SIRPB1: variants seen among roughly 807,000 people sequenced by gnomAD.
The protein encoded by SIRPB1 is signal-regulatory protein beta-1.
A neutral mutation model predicts 34.1 loss-of-function variants in SIRPB1; 28 were observed. The ratio of observed to expected loss-of-function variants is 0.82; its 90% CI spans 0.61 to 1.12. SIRPB1 has a LOEUF of 1.12. Ranked by LOEUF, SIRPB1 falls within the 50% of genes most tolerant of loss-of-function variation. SIRPB1 has a pLI of 0.00. For missense variants in SIRPB1, 499 were observed against 507.0 expected (o/e 0.98, Z 0.15); for synonymous variants, 211 against 203.8 (o/e 1.04, Z -0.30).
At position 1,563,843 on chromosome 20, in the gene SIRPB1, G is replaced by C. The variant is rs2091098094; in HGVS notation, c.*1657C>G. On this transcript the variant is annotated 3_prime_UTR_variant, in exon 6 of 6. Transcript: ENST00000381605. ...AACTCACTATCACAAGAACAGCAAG[G>C]GGGAAGTCCGCCCCCATGATTCAGT... The C allele has an allele frequency of 6.6e-6, 1 of 152,422 alleles. No individual in the cohort carries two copies. The highest frequency in any genetic ancestry group is 2.4e-5 in the African/African-American group (1 of 41,480). The allele number at this position is 152,422 out of a possible 1,614,324, so 9.4% of individuals were successfully genotyped here.
intron 4 of SIRPB1, among the ~76,000 whole-genome samples, chr20:1,568,279 C>T (rs1378721740): frequency 6.6e-6 from 1 of 152,212 alleles, no homozygotes; most frequent in African/African-American, 2.4e-5. Flanking sequence ...ACTCACCTAA[C>T]CCTAGGGCAC....
chr20:1,567,296 G>A (rs2091153046), intron 4 of SIRPB1, among the ~76,000 whole-genome samples: 1 of 152,076 alleles, frequency 6.6e-6, no homozygotes, highest in African/African-American at 2.4e-5. Flanking sequence ...GAGATAGACT[G>A]CATTGGGAAT....
chr20:1,583,892 A>ACTGCTG lies in SIRPB1; in HGVS notation c.77-5204_77-5199dup, dbSNP rs1555807722. Among the ~76,000 whole-genome samples the ACTGCTG allele has an allele frequency of 1.4e-4, 6 of 43,518 alleles. 2 individuals carry two copies. The highest frequency in any genetic ancestry group is 1.6e-3 in the South Asian group (2 of 1,248). 28.5% of individuals were successfully genotyped at this position (43,518 alleles called of 152,430 possible). A position where few individuals can be genotyped will look rare whatever the true frequency, so the allele number is the denominator to read the frequency against. On this transcript the variant is annotated intron_variant, in intron 1 of 5. Coordinates refer to ENST00000381605, the MANE Select transcript of SIRPB1 (RefSeq NM_006065.5). ...TACTACTACTACTACTACTACTACT[A>ACTGCTG]CTGCTGCTGCTGCTGCTGTGTGTTT...
intron 1 of SIRPB1, among the ~76,000 whole-genome samples, chr20:1,580,246 C>G (rs55650624): frequency 0.023 from 3,408 of 147,596 alleles, 382 homozygotes; most frequent in Middle Eastern, 0.13. Flanking sequence ...ATCTTCCCAC[C>G]ACTCTAACCT....
chr20:1,595,435 G>A lies in SIRPB1; in HGVS notation c.77-16741C>T, dbSNP rs1230757888. On this transcript the variant is annotated intron_variant, in intron 1 of 5. Coordinates refer to ENST00000381605, the MANE Select transcript of SIRPB1 (RefSeq NM_006065.5). ...CTCAGACTCTATGCTCTGCAGGGGA[G>A]GAGAAGCCCCACCTTGCCATGATGT... Among the ~76,000 whole-genome samples the A allele has an allele frequency of 4.1e-5, 2 of 48,962 alleles. 1 individual carries two copies. The highest frequency in any genetic ancestry group is 7.9e-5 in the Non-Finnish European group (2 of 25,284). The allele number at this position is 48,962 out of a possible 152,430, so 32.1% of individuals were successfully genotyped here. A position where few individuals can be genotyped will look rare whatever the true frequency, so the allele number is the denominator to read the frequency against.
intron 1 of SIRPB1, among the ~76,000 whole-genome samples, chr20:1,593,258 T>C (rs1343143462): frequency 2.0e-5 from 1 of 49,352 alleles, no homozygotes; most frequent in Non-Finnish European, 3.9e-5. Context: ...GTTCTACTTA[T>C]TTTATAAGAG....
intron 3 of SIRPB1, 126 bp downstream of exon 3, chr20:1,571,594 G>T: frequency 7.2e-7 from 1 of 1,382,218 alleles, no homozygotes; most frequent in Non-Finnish European, 1.0e-6. Flanking sequence ...GCTCACCTAG[G>T]TGCATGGGAG....
At chr20:1,615,253 T>C (rs1425050238) in intron 1 of SIRPB1, among the ~76,000 whole-genome samples, 1 of 152,216 alleles carries the variant, frequency 6.6e-6, no homozygotes, top group African/African-American at 2.4e-5. Flanking sequence ...TCTAAACCAC[T>C]CATGATGGCC....
At chr20:1,619,611 C>T (rs2091678503) in intron 1 of SIRPB1, among the ~76,000 whole-genome samples, 1 of 152,194 alleles carries the variant, frequency 6.6e-6, no homozygotes, top group Non-Finnish European at 1.5e-5. Context: ...TTCTTCTCTG[C>T]TTTTTCAATT....
chr20:1,584,773 C>T lies in SIRPB1; in HGVS notation c.77-6079G>A, dbSNP rs1249666779. Among the ~76,000 whole-genome samples the T allele has an allele frequency of 1.2e-4, 6 of 48,822 alleles. 3 individuals are homozygous for T. Among genetic ancestry groups the T allele is most frequent in the Non-Finnish European group, 1.6e-4 (4 of 25,284 alleles). 32.0% of individuals were successfully genotyped at this position (48,822 alleles called of 152,430 possible). On this transcript the variant is annotated intron_variant, in intron 1 of 5. Transcript: ENST00000381605. ...AAAACAATCCTTAAGTTCATATTAG[C>T]CATAGAAAACCATGAATAGCTAAGG...
In SIRPB1 at chr20:1,566,107, C is replaced by T. The variant is rs765981480; in HGVS notation, c.*2+46G>A. 50 of 1,313,874 alleles carry T rather than the reference C, an allele frequency of 3.8e-5. No individual in the cohort carries two copies. In the Admixed American group the frequency reaches 4.0e-4, roughly 10 times the overall value. 81.4% of individuals were successfully genotyped at this position (1,313,874 alleles called of 1,614,324 possible). ...GAGCTGGGCCCTCCTGCTGGCCTTG[C>T]CTTTCTGGAGGAGCCCTTGGTCAGT... On this transcript the variant is annotated intron_variant, in intron 5 of 5. Transcript: ENST00000381605.
chr20:1,578,465 G>A lies in SIRPB1; in HGVS notation c.306C>T (p.Asp102=). ...VSELTKRNNL[D]FSISISNITP... ...TGATGTTACTGATGCTGATGGAAAA[G>A]TCCAGGTTGTTTCTCTTTGTGAGTT... The change falls in exon 2 of 6, where the codon GAC becomes GAT. Residue 102 remains aspartate (D), a synonymous_variant. Coordinates refer to ENST00000381605, the MANE Select transcript of SIRPB1 (RefSeq NM_006065.5). 6.3e-7 allele frequency: 1 copy of A among 1,584,244 alleles called. No individual in the cohort carries two copies. Among genetic ancestry groups the A allele is most frequent in the Non-Finnish European group, 8.6e-7 (1 of 1,157,942 alleles).
Position 1,571,946 on chromosome 20 carries a change from A to G in SIRPB1, c.525T>C (p.Ser175=). 1 of 1,614,072 alleles carries G rather than the reference A, an allele frequency of 6.2e-7. No individual in the cohort carries two copies. Among genetic ancestry groups the G allele is most frequent in the Non-Finnish European group, 8.5e-7 (1 of 1,179,982 alleles). The stretch of plus-strand genomic sequence containing the variant: ...ACCATTTCAGGGTGATGTCTCTGGG[A>G]GAGAAGCCATGGGACTCGCAGGTGA... ...VSFTCESHGF[S]PRDITLKWFK... The change falls in exon 3 of 6, where the codon TCT becomes TCC. Residue 175 remains serine (S), a synonymous_variant. Transcript: ENST00000381605.
At chr20:1,566,401 G>C in intron 4 of SIRPB1, 134 bp from the exon 5 acceptor site, 1 of 565,602 alleles carries the variant, frequency 1.8e-6, no homozygotes, top group Non-Finnish European at 3.1e-6. Context: ...TCCTGCTCTG[G>C]CTTTCCTGAC....
Position 1,577,451 on chromosome 20 carries a change from A to G in SIRPB1, c.433+887T>C, listed in dbSNP as rs1217536543. On this transcript the variant is annotated intron_variant, in intron 2 of 5. Coordinates refer to ENST00000381605, the MANE Select transcript of SIRPB1 (RefSeq NM_006065.5). The stretch of plus-strand genomic sequence containing the variant: ...GGTCCTTCCTGTGCTGACATGCCAG[A>G]ATTCAGCAGTTAAGACGAGGCTTTT... Among the ~76,000 whole-genome samples, 5 of 147,764 alleles carry G rather than the reference A, an allele frequency of 3.4e-5. 1 individual carries two copies. The highest frequency in any genetic ancestry group is 1.2e-4 in the African/African-American group (5 of 40,738).
At position 1,602,788 on chromosome 20, in the gene SIRPB1, G is replaced by A. The variant is rs2091481889; in HGVS notation, c.76+17081C>T. On this transcript the variant is annotated intron_variant, in intron 1 of 5. Transcript: ENST00000381605. ...CTTTCCATACATCTCTGATTATAGGGGACATTGTTGTCCTCCACTTCCTGT... is the reference window on the plus strand; with the variant it reads ...CTTTCCATACATCTCTGATTATAGGAGACATTGTTGTCCTCCACTTCCTGT... Among the ~76,000 whole-genome samples, 2 of 48,914 alleles carry A rather than the reference G, an allele frequency of 4.1e-5. 1 individual carries two copies. Among genetic ancestry groups the A allele is most frequent in the Non-Finnish European group, 7.9e-5 (2 of 25,446 alleles). 32.1% of individuals were successfully genotyped at this position (48,914 alleles called of 152,430 possible).
rs1415376365 is a variant in SIRPB1, at chr20:1,563,283, C to T, written c.*2217G>A. Among the ~76,000 whole-genome samples, 4 of 152,122 alleles carry T rather than the reference C, an allele frequency of 2.6e-5. No homozygotes were observed. The highest frequency in any genetic ancestry group is 4.4e-5 in the Non-Finnish European group (3 of 68,026). ...CCAAGACAGGTGGATCACCTGAGGTCGGGAGTTCAAGACTAGTCTGATCAA... is the reference window on the plus strand; with the variant it reads ...CCAAGACAGGTGGATCACCTGAGGTTGGGAGTTCAAGACTAGTCTGATCAA... On this transcript the variant is annotated 3_prime_UTR_variant, in exon 6 of 6. Coordinates refer to ENST00000381605, the MANE Select transcript of SIRPB1 (RefSeq NM_006065.5).
rs1282340865 is a variant in SIRPB1 at position 1,562,887 on chromosome 20, A to G, written c.*2613T>C. Among the ~76,000 whole-genome samples, 1 of 152,200 alleles carries G rather than the reference A, an allele frequency of 6.6e-6. No individual in the cohort carries two copies. Among genetic ancestry groups the G allele is most frequent in the Non-Finnish European group, 1.5e-5 (1 of 68,038 alleles). On this transcript the variant is annotated 3_prime_UTR_variant, in exon 6 of 6. Coordinates refer to ENST00000381605, the MANE Select transcript of SIRPB1 (RefSeq NM_006065.5). ...GTGCAGTGAAGAAATGAGAAGTGAA[A>G]ATGCTGCAAGTGAGGTTCAAATTGA...
chr20:1,580,323 T>TCTC (rs1568693397), intron 1 of SIRPB1, among the ~76,000 whole-genome samples: 1 of 146,944 alleles, frequency 6.8e-6, no homozygotes, highest in Admixed American at 6.7e-5. Flanking sequence ...CAAGAATTAA[T>TCTC]CTTCCTCCTT....
Sources: allele counts gnomAD v4.1 joint callset (sites outside exome capture counted in the v4.1 genomes callset), GRCh38; gene constraint gnomAD v4.1.1; transcripts MANE v1.5; gene names NCBI Gene and HGNC (gene_info 2026-07-23, HGNC 2026-07-21).